Variants in LRRC4C observed in about 807,000 individuals in gnomAD.
LRRC4C encodes leucine rich repeat containing 4C.
A neutral mutation model predicts 33.6 loss-of-function variants in LRRC4C; 5 were observed. The observed-to-expected ratio is 0.15, with a 90% CI of 0.08 to 0.31. The LOEUF is 0.31. Ranked by LOEUF, LRRC4C falls within the 10% of genes least tolerant of loss-of-function variation. The probability of loss-of-function intolerance (pLI) is 1.00; values close to 1 mark genes in which losing one functional copy is unlikely to be tolerated. For missense variants in LRRC4C, 560 were observed against 796.7 expected (o/e 0.70, Z 3.58); for synonymous variants, 329 against 302.0 (o/e 1.09, Z -0.93).
chr11:40,868,726 C>T (rs1002952233), intron 2 of LRRC4C, among the ~76,000 whole-genome samples: 2 of 152,040 alleles, frequency 1.3e-5, no homozygotes, highest in Admixed American at 6.6e-5. Flanking sequence ...AATATATAAT[C>T]AAAGATGCAA....
At chr11:40,199,615 T>C (rs1285690941) in intron 5 of LRRC4C, among the ~76,000 whole-genome samples, 1 of 152,220 alleles carries the variant, frequency 6.6e-6, no homozygotes, top group Non-Finnish European at 1.5e-5. Context: ...AGAGAACACC[T>C]TACATAGAAT....
intron 2 of LRRC4C, among the ~76,000 whole-genome samples, chr11:40,887,125 C>A (rs1412793392): frequency 6.6e-6 from 1 of 151,398 alleles, no homozygotes; most frequent in Non-Finnish European, 1.5e-5. Context: ...TTCTTCATGA[C>A]TATTTGAACT....
chr11:40,875,464 A>G (rs1036185587), intron 2 of LRRC4C, among the ~76,000 whole-genome samples: 3 of 152,210 alleles, frequency 2.0e-5, no homozygotes, highest in Non-Finnish European at 2.9e-5. Context: ...ATTTCCCTCT[A>G]GGATAGTAGT....
intron 2 of LRRC4C, among the ~76,000 whole-genome samples, chr11:40,849,551 C>A (rs549088130): frequency 6.6e-6 from 1 of 152,202 alleles, no homozygotes; most frequent in East Asian, 1.9e-4. Flanking sequence ...TAACCTTTCT[C>A]TCTGGCTGCC....
chr11:40,734,263 A>G (rs1413346871), intron 2 of LRRC4C, among the ~76,000 whole-genome samples: 1 of 152,198 alleles, frequency 6.6e-6, no homozygotes, highest in Non-Finnish European at 1.5e-5. Context: ...CTGTAAGCCA[A>G]AAACAATGTA....
chr11:40,150,465 C>T (rs1412688162), intron 5 of LRRC4C, among the ~76,000 whole-genome samples: 2 of 152,182 alleles, frequency 1.3e-5, no homozygotes, highest in Non-Finnish European at 2.9e-5. Flanking sequence ...AGACTTGTTT[C>T]TTTAAAAGAG....
At chr11:40,785,372 T>C (rs1282123603) in intron 2 of LRRC4C, among the ~76,000 whole-genome samples, 3 of 152,196 alleles carry the variant, frequency 2.0e-5, no homozygotes, top group Non-Finnish European at 4.4e-5. Flanking sequence ...CTACCATAAA[T>C]TGCCTAACTC....
At chr11:41,115,952 G>A (rs1017712327) in intron 1 of LRRC4C, among the ~76,000 whole-genome samples, 4 of 152,048 alleles carry the variant, frequency 2.6e-5, no homozygotes, top group Admixed American at 6.6e-5. Flanking sequence ...CTGTTCCAAA[G>A]GTGAGTCCAG....
chr11:40,640,615 T>G (rs1942047857), intron 3 of LRRC4C, among the ~76,000 whole-genome samples: 1 of 152,122 alleles, frequency 6.6e-6, no homozygotes, highest in African/African-American at 2.4e-5. Context: ...ATTTCTAAGT[T>G]TCTAATAATA....
intron 3 of LRRC4C, among the ~76,000 whole-genome samples, chr11:40,612,386 T>A (rs1332890420): frequency 6.6e-6 from 1 of 151,726 alleles, no homozygotes; most frequent in Non-Finnish European, 1.5e-5. Flanking sequence ...GAGCTGGGGA[T>A]AAAGAGGTAA....
intron 3 of LRRC4C, among the ~76,000 whole-genome samples, chr11:40,396,718 T>G (rs1949555356): frequency 6.6e-6 from 1 of 152,086 alleles, no homozygotes; most frequent in Non-Finnish European, 1.5e-5. Context: ...ATAACATACA[T>G]TTTTTAAAAA....
intron 1 of LRRC4C, among the ~76,000 whole-genome samples, chr11:41,107,185 CAA>C (rs1941557193): frequency 6.6e-6 from 1 of 151,254 alleles, no homozygotes; most frequent in African/African-American, 2.4e-5. Context: ...TGTTGGTACT[CAA>C]AAAAGTTTTA....
chr11:40,935,524 T>C (rs1957838153), intron 1 of LRRC4C, among the ~76,000 whole-genome samples: 1 of 152,158 alleles, frequency 6.6e-6, no homozygotes. Flanking sequence ...GATACACAAA[T>C]ACTTAGCATT....
At chr11:40,715,435 G>T (rs1257453976) in intron 2 of LRRC4C, among the ~76,000 whole-genome samples, 1 of 152,218 alleles carries the variant, frequency 6.6e-6, no homozygotes, top group African/African-American at 2.4e-5. Flanking sequence ...AATTGTCACA[G>T]TGGTAGGGAG....
intron 4 of LRRC4C, among the ~76,000 whole-genome samples, chr11:40,287,469 T>C (rs1483929435): frequency 6.6e-6 from 1 of 152,148 alleles, no homozygotes; most frequent in African/African-American, 2.4e-5. Flanking sequence ...GCAGTATTTA[T>C]TGCATGCATA....
intron 3 of LRRC4C, among the ~76,000 whole-genome samples, chr11:40,626,359 C>T (rs1962927755): frequency 6.6e-6 from 1 of 152,080 alleles, no homozygotes; most frequent in African/African-American, 2.4e-5. Flanking sequence ...TTAAAAAGCT[C>T]TTATTGGTAG....
rs1277070343 is a variant in LRRC4C, at chr11:41,366,218, ATAGATAGATAGATAGATAGATAGATAGG to A, written c.-496+93185_-496+93212del. Among the ~76,000 whole-genome samples the A allele has an allele frequency of 5.3e-3, 797 of 150,426 alleles. 8 individuals are homozygous for A. The highest frequency in any genetic ancestry group is 0.019 in the African/African-American group (743 of 40,088). On this transcript the variant is annotated intron_variant, in intron 1 of 6. Transcript: ENST00000528697. ...GATAGACAGATAGATAGATAGATAG[ATAGATAGATAGATAGATAGATAGATAGG>A]TAGATATCCTAATTTAGGCTACCAC...
At chr11:40,406,077 G>T (rs1949953691) in intron 3 of LRRC4C, among the ~76,000 whole-genome samples, 2 of 152,046 alleles carry the variant, frequency 1.3e-5, no homozygotes. Context: ...CTGCGGGATG[G>T]CGCTGTAACT....
chr11:40,611,342 C>A (rs775123306), intron 3 of LRRC4C, among the ~76,000 whole-genome samples: 2 of 151,878 alleles, frequency 1.3e-5, no homozygotes, highest in Non-Finnish European at 2.9e-5. Context: ...GGACCCCTGA[C>A]TTACACCATA....
Sources: gnomAD v4.1 joint callset for allele counts (sites outside exome capture counted in the v4.1 genomes callset) on GRCh38, gnomAD v4.1.1 for gene constraint, MANE v1.5 for transcripts, NCBI Gene and HGNC (gene_info 2026-07-23, HGNC 2026-07-21) for gene names.